The following C1orf198 variants were observed in gnomAD, a reference collection of about 807,000 sequenced individuals.
C1orf198 encodes the protein chromosome 1 open reading frame 198.
In C1orf198, 17 loss-of-function variants were observed where a neutral mutation model predicts 31.4. The observed-to-expected ratio is 0.54, with a 90% CI of 0.37 to 0.81. The LOEUF is 0.81. C1orf198 is among the 40% of genes least tolerant of loss of function. The probability of loss-of-function intolerance (pLI) is 0.00; values close to 1 mark genes in which losing one functional copy is unlikely to be tolerated. For missense variants in C1orf198, 401 were observed against 450.3 expected, an observed-to-expected ratio of 0.89 and a Z score of 0.99; for synonymous variants, 175 against 193.8, an observed-to-expected ratio of 0.90 and a Z score of 0.81.
At position 230,843,254 on chromosome 1, in the gene C1orf198, C is replaced by A. The variant is rs1669494673; in HGVS notation, c.927+100G>T. 2 of 1,354,024 alleles carry A rather than the reference C, an allele frequency of 1.5e-6. No individual in the cohort carries two copies. The highest frequency in any genetic ancestry group is 2.0e-6 in the Non-Finnish European group (2 of 1,009,178). The allele number at this position is 1,354,024 out of a possible 1,614,324, so 83.9% of individuals were successfully genotyped here. ...GGCAGGGGAAGGAGAAGAAAAAGAGCATGGGCACCTGTGGCCTGCCTGCTT... is the reference window on the plus strand; with the variant it reads ...GGCAGGGGAAGGAGAAGAAAAAGAGAATGGGCACCTGTGGCCTGCCTGCTT... On this transcript the variant is annotated intron_variant, in intron 3 of 3. Transcript: ENST00000366663. This position sits in a 1 kb window ranked among gnomAD's most constrained non-coding sequence, Gnocchi z 4.9.
Position 230,843,610 on chromosome 1 carries a change from ACCTTTTCCC to A in C1orf198, c.662_670del (p.Gly221_Lys223del), listed in dbSNP as rs1245004074. The A allele has an allele frequency of 6.2e-7, 1 of 1,614,178 alleles. No homozygotes were observed. Among genetic ancestry groups the A allele is most frequent in the Admixed American group, 1.7e-5 (1 of 60,034 alleles). On this transcript the variant is annotated inframe_deletion, in exon 3 of 4. Transcript: ENST00000366663. The surrounding 1 kb of genome is among the most constrained non-coding windows in gnomAD (Gnocchi z 4.9). ...TTCCTGCCGGTAGCAGGGAGGCAAG[ACCTTTTCCC>A]CCTTCTCCATGGACTTGATCTGGCT... is the stretch of plus-strand genomic sequence containing the variant.
intron 2 of C1orf198, among the ~76,000 whole-genome samples, chr1:230,851,456 C>T (rs1352775885): frequency 6.6e-6 from 1 of 152,324 alleles, no homozygotes; most frequent in Non-Finnish European, 1.5e-5. Context: ...GCCCAGACCG[C>T]CTGGGGAATG....
chr1:230,842,897 G>C (rs796614864), intron 3 of C1orf198, among the ~76,000 whole-genome samples: 2 of 152,354 alleles, frequency 1.3e-5, no homozygotes, highest in African/African-American at 4.8e-5. Flanking sequence ...AGAGGGGCAA[G>C]ACCCAGTGAG....
upstream of C1orf198, chr1:230,868,747 C>T (rs1307712540): frequency 1.1e-5 from 2 of 182,964 alleles, no homozygotes; most frequent in Non-Finnish European, 2.2e-5. Context: ...GCGGACCCCA[C>T]GAGTCCCCCT....
intron 2 of C1orf198, among the ~76,000 whole-genome samples, chr1:230,845,859 T>G (rs1669576682): frequency 6.6e-6 from 1 of 152,238 alleles, no homozygotes; most frequent in Non-Finnish European, 1.5e-5. Flanking sequence ...GTAACCATTT[T>G]CATATATGTG....
rs187402722 is a variant in C1orf198 at position 230,839,802 on chromosome 1, C to G, written c.*50G>C. The G allele has an allele frequency of 6.4e-7, 1 of 1,551,202 alleles. No homozygotes were observed. Among genetic ancestry groups the G allele is most frequent in the African/African-American group, 1.4e-5 (1 of 73,312 alleles). ...GCCCTTTTTATCCTCCTCCACCACA[C>G]CACTTTGGAAAACATTTTAGGGTTC... is the stretch of plus-strand genomic sequence containing the variant. On this transcript the variant is annotated 3_prime_UTR_variant, in exon 4 of 4. Coordinates refer to ENST00000366663, the MANE Select transcript of C1orf198 (RefSeq NM_032800.3).
chr1:230,865,027 C>T (rs1670085796), intron 1 of C1orf198, among the ~76,000 whole-genome samples: 1 of 152,198 alleles, frequency 6.6e-6, no homozygotes, highest in Non-Finnish European at 1.5e-5. Flanking sequence ...GAAAGACTGT[C>T]AAAAGCATCC....
chr1:230,856,454 C>G (rs1669876237), intron 1 of C1orf198, among the ~76,000 whole-genome samples: 1 of 152,006 alleles, frequency 6.6e-6, no homozygotes, highest in Non-Finnish European at 1.5e-5. Flanking sequence ...GCACAAATGA[C>G]TTGGGGAAGC....
At chr1:230,867,901 C>G (rs749868116) in intron 1 of C1orf198, among the ~76,000 whole-genome samples, 1 of 152,096 alleles carries the variant, frequency 6.6e-6, no homozygotes, top group East Asian at 1.9e-4. Flanking sequence ...ACGACAGCTC[C>G]GGGAGAAGTC....
intron 2 of C1orf198, among the ~76,000 whole-genome samples, chr1:230,850,743 AC>A (rs1669719308): frequency 1.3e-5 from 2 of 151,378 alleles, no homozygotes; most frequent in South Asian, 4.2e-4. Context: ...AAGCACAGAG[AC>A]CAAGTTGCGG....
At chr1:230,852,440 G>A (rs998002753) in intron 2 of C1orf198, among the ~76,000 whole-genome samples, 1 of 152,220 alleles carries the variant, frequency 6.6e-6, no homozygotes, top group Admixed American at 6.5e-5. Context: ...CAGAGTTTCA[G>A]TCTTGCAAGA....
chr1:230,854,548 C>A (rs928641159), intron 2 of C1orf198, among the ~76,000 whole-genome samples: 2 of 152,194 alleles, frequency 1.3e-5, no homozygotes, highest in African/African-American at 2.4e-5. Flanking sequence ...ACATTAATGC[C>A]ATGCCTTCCC....
intron 1 of C1orf198, among the ~76,000 whole-genome samples, chr1:230,863,999 A>G (rs2102992928): frequency 6.6e-6 from 1 of 152,164 alleles, no homozygotes; most frequent in South Asian, 2.1e-4. Flanking sequence ...GATTTCAAAA[A>G]GAAAAGGCCA....
rs1479392345 is a variant in C1orf198 at position 230,843,078 on chromosome 1, G to A, written c.927+276C>T. Among the ~76,000 whole-genome samples, 2 of 152,250 alleles carry A rather than the reference G, an allele frequency of 1.3e-5. No individual in the cohort carries two copies. Among genetic ancestry groups the A allele is most frequent in the African/African-American group, 4.8e-5 (2 of 41,472 alleles). On this transcript the variant is annotated intron_variant, in intron 3 of 3. Coordinates refer to ENST00000366663, the MANE Select transcript of C1orf198 (RefSeq NM_032800.3). The surrounding 1 kb of genome is among the most constrained non-coding windows in gnomAD (Gnocchi z 4.9). ...GCAGCGCCTTCCAGGGGCCTCTTCT[G>A]ATAGCAGCCCGCGCACTGGGGAAAG...
At chr1:230,868,680 C>T, upstream of C1orf198, 2 of 387,692 alleles carry the variant, frequency 5.2e-6, 1 homozygote, top group South Asian at 2.2e-4. Context: ...GACCCCGGCC[C>T]TCCGTGGCCC....
At chr1:230,864,458 G>C (rs1572140831) in intron 1 of C1orf198, among the ~76,000 whole-genome samples, 1 of 152,164 alleles carries the variant, frequency 6.6e-6, no homozygotes, top group East Asian at 1.9e-4. Flanking sequence ...AGGAATAAGA[G>C]AGCAACAGCA....
At chr1:230,868,927 A>G (rs1284109325), upstream of C1orf198, 1 of 152,714 alleles carries the variant, frequency 6.5e-6, no homozygotes, top group Non-Finnish European at 1.5e-5. Flanking sequence ...TGCTTGACAA[A>G]GGAAACTTTT....
intron 2 of C1orf198, among the ~76,000 whole-genome samples, chr1:230,845,936 A>G (rs1321919483): frequency 2.0e-5 from 3 of 152,228 alleles, no homozygotes; most frequent in African/African-American, 7.2e-5. Context: ...AATCATAAGC[A>G]TCATCCATGT....
intron 2 of C1orf198, among the ~76,000 whole-genome samples, chr1:230,844,522 A>G (rs1163649450): frequency 6.6e-6 from 1 of 152,160 alleles, no homozygotes; most frequent in Non-Finnish European, 1.5e-5. Flanking sequence ...CTTTAAAACA[A>G]CACAAGAACA....
Sources: allele counts gnomAD v4.1 joint callset (sites outside exome capture counted in the v4.1 genomes callset), GRCh38; gene constraint gnomAD v4.1.1; non-coding constraint Gnocchi (gnomAD v3.1); transcripts MANE v1.5; gene names NCBI Gene and HGNC (gene_info 2026-07-23, HGNC 2026-07-21).